The following CDK8 variants were observed in gnomAD, a reference collection of about 807,000 sequenced individuals.
CDK8 encodes the protein cyclin-dependent kinase 8.
In CDK8, 29 loss-of-function variants were observed where a neutral mutation model predicts 71.5. The observed-to-expected ratio is 0.41, with a 90% confidence interval of 0.30 to 0.55. The LOEUF is 0.55. Ranked by LOEUF, CDK8 falls within the 20% of genes least tolerant of loss-of-function variation. The pLI is 0.37. For synonymous variants in CDK8, 161 were observed against 192.1 expected (o/e 0.84, Z 1.34); for missense variants, 288 against 572.6 (o/e 0.50, Z 5.07).
At chr13:26,342,553 A>G (rs771006131) in intron 2 of CDK8, among the ~76,000 whole-genome samples, 1 of 152,140 alleles carries the variant, frequency 6.6e-6, no homozygotes, top group South Asian at 2.1e-4. Context: ...CATTTAGTAA[A>G]TGTTAGCCCT....
In CDK8 at chr13:26,346,137, G is replaced by A. The variant is rs187361462; in HGVS notation, c.205-2935G>A. ...GCTGGTTCTACCACTTCCTAGGAAT[G>A]TAACCTTGAGCAAATTATTTAAACC... is the stretch of plus-strand genomic sequence containing the variant. On this transcript the variant is annotated intron_variant, in intron 2 of 12. Transcript: ENST00000381527. 1.6e-4 allele frequency among the ~76,000 whole-genome samples: 25 copies of A among 152,304 alleles called. 1 individual carries two copies. The highest frequency in any genetic ancestry group is 7.8e-4 in the Admixed American group (12 of 15,302).
At chr13:26,361,379 C>A (rs74042632) in intron 4 of CDK8, among the ~76,000 whole-genome samples, 1 of 152,054 alleles carries the variant, frequency 6.6e-6, no homozygotes, top group African/African-American at 2.4e-5. Context: ...CTTGATAAAC[C>A]CCTCATAAGT....
chr13:26,254,387 C>T lies in CDK8; in HGVS notation c.-255C>T. 2.8e-6 allele frequency: 1 copy of T among 358,766 alleles called. No individual in the cohort carries two copies. The allele number at this position is 358,766 out of a possible 1,614,324, so 22.2% of individuals were successfully genotyped here. A position where few individuals can be genotyped will look rare whatever the true frequency, so the allele number is the denominator to read the frequency against. On this transcript the variant is annotated 5_prime_UTR_variant, in exon 1 of 13. Coordinates refer to ENST00000381527, the MANE Select transcript of CDK8 (RefSeq NM_001260.3). The surrounding 1 kb of genome is among the most constrained non-coding windows in gnomAD (Gnocchi z 6.7). ...CCGCTCCCCACCCCCAGCCCTCGTC[C>T]CTCGGCTCTCCTTCGCCGGGGGATC...
chr13:26,301,512 G>A (rs1873823027), intron 1 of CDK8, among the ~76,000 whole-genome samples: 1 of 152,194 alleles, frequency 6.6e-6, no homozygotes, highest in South Asian at 2.1e-4. Flanking sequence ...AGAGTGGTAT[G>A]TGGGGGATGT....
intron 1 of CDK8, among the ~76,000 whole-genome samples, chr13:26,272,746 A>T: frequency 6.6e-6 from 1 of 152,244 alleles, no homozygotes; most frequent in Admixed American, 6.5e-5. Context: ...GTTTCTTCAC[A>T]CCAGCATCAC....
intron 1 of CDK8, among the ~76,000 whole-genome samples, chr13:26,313,338 G>A (rs1414994547): frequency 6.6e-6 from 1 of 152,186 alleles, no homozygotes; most frequent in Non-Finnish European, 1.5e-5. Context: ...AAACGAGATG[G>A]AAAAGAGATG....
rs552897388 is a variant in CDK8, at chr13:26,369,003, G to A, written c.457-13811G>A. ...TACTTTGTTTTGTCTATTTTCACAA[G>A]TAAGTTTGGTCAGTAATCTTCTGTT... is the stretch of plus-strand genomic sequence containing the variant. On this transcript the variant is annotated intron_variant, in intron 4 of 12. Transcript: ENST00000381527. Among the ~76,000 whole-genome samples, 50 of 152,058 alleles carry A rather than the reference G, an allele frequency of 3.3e-4. 1 individual carries two copies. In the South Asian group the frequency reaches 1.0e-2, roughly 30 times the overall value.
intron 1 of CDK8, among the ~76,000 whole-genome samples, chr13:26,313,242 T>A (rs531280693): frequency 6.6e-6 from 1 of 152,266 alleles, no homozygotes; most frequent in East Asian, 1.9e-4. Flanking sequence ...ACATTATAGA[T>A]GTGTATATGT....
intron 1 of CDK8, among the ~76,000 whole-genome samples, chr13:26,329,738 A>T (rs1364865180): frequency 6.6e-6 from 1 of 151,992 alleles, no homozygotes. Context: ...TCCTGACCTC[A>T]GGTGATCCGC....
intron 2 of CDK8, among the ~76,000 whole-genome samples, chr13:26,347,289 T>C (rs1873498401): frequency 6.6e-6 from 1 of 152,208 alleles, no homozygotes. Context: ...AGTTACAAAA[T>C]TTTAATCAAC....
At chr13:26,323,225 T>TC (rs1279482166) in intron 1 of CDK8, among the ~76,000 whole-genome samples, 2 of 151,900 alleles carry the variant, frequency 1.3e-5, no homozygotes, top group Non-Finnish European at 2.9e-5. Context: ...AAATCCAAGA[T>TC]CAAGATTCCT....
intron 7 of CDK8, among the ~76,000 whole-genome samples, chr13:26,395,221 T>C (rs11618898): frequency 0.011 from 1,624 of 152,266 alleles, 18 homozygotes; most frequent in Non-Finnish European, 0.018. Context: ...GAGGCCGCGG[T>C]GGGCGGATCA....
At chr13:26,308,648 C>A (rs1476051473) in intron 1 of CDK8, among the ~76,000 whole-genome samples, 1 of 152,238 alleles carries the variant, frequency 6.6e-6, no homozygotes, top group Non-Finnish European at 1.5e-5. Context: ...CCTCTAGTAA[C>A]AAGTTTAACA....
intron 1 of CDK8, among the ~76,000 whole-genome samples, chr13:26,284,103 T>G (rs930776566): frequency 6.6e-6 from 1 of 152,142 alleles, no homozygotes. Flanking sequence ...ACAGTAATAG[T>G]GACACAACTT....
At chr13:26,302,469 C>T (rs1319797633) in intron 1 of CDK8, among the ~76,000 whole-genome samples, 3 of 152,106 alleles carry the variant, frequency 2.0e-5, no homozygotes, top group African/African-American at 7.2e-5. Flanking sequence ...TTTCATGGGA[C>T]AGATAGGGCA....
intron 3 of CDK8, among the ~76,000 whole-genome samples, chr13:26,353,331 CTG>C (rs1873759191): frequency 6.6e-6 from 1 of 151,554 alleles, no homozygotes; most frequent in Admixed American, 6.6e-5. Context: ...TCTTTATAAC[CTG>C]TGTCATAAAT....
At chr13:26,326,019 T>C (rs1875001196) in intron 1 of CDK8, among the ~76,000 whole-genome samples, 1 of 152,208 alleles carries the variant, frequency 6.6e-6, no homozygotes, top group Non-Finnish European at 1.5e-5. Context: ...ATTTGAGTAA[T>C]TTAACACTGA....
At chr13:26,308,184 A>G (rs1406246509) in intron 1 of CDK8, among the ~76,000 whole-genome samples, 1 of 152,258 alleles carries the variant, frequency 6.6e-6, no homozygotes, top group Non-Finnish European at 1.5e-5. Context: ...AATAAGATGT[A>G]AAGTTCAGTC....
chr13:26,389,814 A>G (rs1875659696), intron 6 of CDK8, among the ~76,000 whole-genome samples: 1 of 152,162 alleles, frequency 6.6e-6, no homozygotes, highest in East Asian at 1.9e-4. Context: ...CCTCACCAAC[A>G]TGGTGAAACT....
Sources: gnomAD v4.1 joint callset for allele counts (sites outside exome capture counted in the v4.1 genomes callset) on GRCh38, gnomAD v4.1.1 for gene constraint, Gnocchi (gnomAD v3.1) non-coding constraint, MANE v1.5 for transcripts, NCBI Gene and HGNC (gene_info 2026-07-23, HGNC 2026-07-21) for gene names.